RRN3: variants seen among roughly 807,000 people sequenced by gnomAD.
The protein encoded by RRN3 is RNA polymerase I transcription factor RRN3.
RRN3 carries 38 observed loss-of-function variants against 82.3 expected under a neutral mutation model. That is an observed-to-expected ratio of 0.46 (90% confidence interval 0.36 to 0.61). The LOEUF is 0.61. Ranked by LOEUF, RRN3 falls within the 20% of genes least tolerant of loss-of-function variation. The pLI is 0.00. For synonymous variants in RRN3, 284 were observed against 284.3 expected (o/e 1.00, Z 0.01); for missense variants, 726 against 793.1 (o/e 0.92, Z 1.02).
chr16:15,078,812 C>T (rs9939374), intron 9 of RRN3, among the ~76,000 whole-genome samples: 1,346 of 117,622 alleles, frequency 0.011, 24 homozygotes, highest in African/African-American at 0.035. Context: ...GTATTTTTTT[C>T]TTTTTTTTTT....
intron 3 of RRN3, among the ~76,000 whole-genome samples, chr16:15,087,197 A>C (rs1032941315): frequency 6.6e-6 from 1 of 152,200 alleles, no homozygotes; most frequent in Non-Finnish European, 1.5e-5. Context: ...CATATAAATA[A>C]AAGCAACACA....
At chr16:15,092,774 G>T (rs1200327058) in intron 1 of RRN3, among the ~76,000 whole-genome samples, 160 bp from the exon 2 acceptor site, 1 of 152,154 alleles carries the variant, frequency 6.6e-6, no homozygotes, top group Non-Finnish European at 1.5e-5. Context: ...CCTTTGCTCA[G>T]CAACCAATAA....
At chr16:15,093,465 C>A (rs575435913) in intron 1 of RRN3, among the ~76,000 whole-genome samples, 1 of 152,196 alleles carries the variant, frequency 6.6e-6, no homozygotes, top group Non-Finnish European at 1.5e-5. Flanking sequence ...GCCTTTCCCC[C>A]CTATGCTGTA....
chr16:15,088,565 G>A (rs535110414), intron 3 of RRN3, among the ~76,000 whole-genome samples: 2 of 152,162 alleles, frequency 1.3e-5, no homozygotes, highest in African/African-American at 4.8e-5. Flanking sequence ...ACAAAATACA[G>A]TGGAACACAA....
chr16:15,080,631 A>G (rs986696927), intron 8 of RRN3, among the ~76,000 whole-genome samples: 2 of 152,124 alleles, frequency 1.3e-5, no homozygotes, highest in African/African-American at 2.4e-5. Context: ...TTTTCTCACT[A>G]TGTTGCCCAG....
rs532080519 is a variant in RRN3 at position 15,085,722 on chromosome 16, G to A, written c.473-24C>T. On this transcript the variant is annotated intron_variant, in intron 5 of 17. Transcript: ENST00000198767. ...GGCTTTTGAGGGAAAAAGAAAATAT[G>A]TTATTCTGTCATTGATCTAGACAAT... The A allele has an allele frequency of 6.5e-5, 104 of 1,612,306 alleles. 2 individuals are homozygous for A. In the South Asian group the frequency reaches 1.0e-3, roughly 16 times the overall value.
At position 15,086,133 on chromosome 16, in the gene RRN3, C is replaced by T; in HGVS notation, c.468G>A (p.Val156=). 2 of 1,602,262 alleles carry T rather than the reference C, an allele frequency of 1.2e-6. No individual in the cohort carries two copies. Among genetic ancestry groups the T allele is most frequent in the South Asian group, 1.1e-5 (1 of 88,666 alleles). The change falls in exon 5 of 18, where the codon GTG becomes GTA. Residue 156 remains valine, a synonymous_variant. Coordinates refer to ENST00000198767, the MANE Select transcript of RRN3 (RefSeq NM_018427.5). ...AAATTCCAAGCAATGACTTACGAGG[C>T]ACAAAATGGGAAGCAATCATGCTGA... ...PCLSMIASHF[V]PPRVIIKEGD...
chr16:15,094,197 C>T lies in RRN3; in HGVS notation c.37G>A (p.Asp13Asn). ...ACTGCAGAGGACGAAGCGGCCGCAT[C>T]TCCCGGCAAACGCGTGTGAAGCAGC... is the stretch of plus-strand genomic sequence containing the variant. ...APLLHTRLPGDAAASSSAVKK... is the reference protein window; with the variant it reads ...APLLHTRLPGNAAASSSAVKK... Residue 13 changes from aspartate (D) to asparagine (N), a missense_variant, in exon 1 of 18, where the codon GAT (aspartate) becomes AAT (asparagine). By Grantham distance (23) the Asp-to-Asn change is conservative. Around this residue, in one of 4 missense-constraint regions of RRN3, gnomAD observed 135 missense variants for 87.4 expected, o/e 1.55. Coordinates refer to ENST00000198767, the MANE Select transcript of RRN3 (RefSeq NM_018427.5). The T allele has an allele frequency of 6.2e-7, 1 of 1,600,380 alleles. No individual in the cohort carries two copies. The highest frequency in any genetic ancestry group is 8.5e-7 in the Non-Finnish European group (1 of 1,174,070).
In RRN3 at chr16:15,063,228, C is replaced by G; in HGVS notation, c.1762G>C (p.Glu588Gln). The G allele has an allele frequency of 1.2e-6, 2 of 1,613,374 alleles. No individual in the cohort carries two copies. The highest frequency in any genetic ancestry group is 1.7e-6 in the Non-Finnish European group (2 of 1,179,326). The change falls in exon 17 of 18, where the codon GAG becomes CAG. Residue 588 changes from glutamate (E) to glutamine (Q), a missense_variant. Physicochemically the swap from Glu to Gln is conservative, Grantham distance 29. Transcript: ENST00000198767. ...ATGGGTTTCTTGAACTCCTGTAGCT[C>G]TTCAGCACTCATGTCTTCCCACACC... ...YQVWEDMSAEELQEFKKPMKK... is the reference protein window; with the variant it reads ...YQVWEDMSAEQLQEFKKPMKK...
rs371499562 is a variant in RRN3, at chr16:15,061,810, A to G, written c.1890T>C (p.His630=). The change falls in exon 18 of 18, where the codon CAT becomes CAC. Residue 630 remains histidine, a synonymous_variant. Coordinates refer to ENST00000198767, the MANE Select transcript of RRN3 (RefSeq NM_018427.5). Reference sequence around the variant, plus strand: ...CCACACTACTTGAAGGACTTCGGAAATGCGTGTCAAAGGAGCTTGGTGTGA... The same window carrying G: ...CCACACTACTTGAAGGACTTCGGAAGTGCGTGTCAAAGGAGCTTGGTGTGA... The part of the protein sequence containing the change: ...IGITPSSFDT[H]FRSPSSSVGS... 8.2e-5 allele frequency: 132 copies of G among 1,614,076 alleles called. No homozygotes were observed. Among genetic ancestry groups the G allele is most frequent in the Non-Finnish European group, 1.1e-4 (124 of 1,179,998 alleles).
intron 7 of RRN3, among the ~76,000 whole-genome samples, chr16:15,084,233 A>G (rs2045825256): frequency 1.3e-5 from 2 of 152,320 alleles, no homozygotes; most frequent in African/African-American, 4.8e-5. Context: ...TTAACAAATA[A>G]TCAACGGACA....
chr16:15,071,681 T>C (rs904538252), intron 12 of RRN3, among the ~76,000 whole-genome samples: 18 of 152,236 alleles, frequency 1.2e-4, no homozygotes, highest in African/African-American at 4.3e-4. Context: ...GGCAGGAGAA[T>C]CGCTTGAACC....
intron 9 of RRN3, among the ~76,000 whole-genome samples, chr16:15,079,089 C>G (rs922183460): frequency 6.6e-6 from 1 of 152,214 alleles, no homozygotes; most frequent in South Asian, 2.1e-4. Context: ...GGATTACATG[C>G]GTGAGCCACC....
At chr16:15,073,466 A>C (rs1181880485) in intron 11 of RRN3, among the ~76,000 whole-genome samples, 1 of 152,222 alleles carries the variant, frequency 6.6e-6, no homozygotes, top group East Asian at 1.9e-4. Context: ...TTAAAAAAAA[A>C]AGAAAGACAG....
At chr16:15,079,712 C>A (rs372670956) in intron 9 of RRN3, among the ~76,000 whole-genome samples, 12 of 152,136 alleles carry the variant, frequency 7.9e-5, no homozygotes, top group Non-Finnish European at 1.6e-4. Flanking sequence ...CCCACCTCAG[C>A]CTCCTGAGTA....
chr16:15,080,923 GTC>G (rs2045673552), intron 8 of RRN3, among the ~76,000 whole-genome samples: 1 of 151,762 alleles, frequency 6.6e-6, no homozygotes. Flanking sequence ...TATCAATGGA[GTC>G]ATACACAGTT....
intron 16 of RRN3, 152 bp downstream of exon 16, chr16:15,065,067 G>C: frequency 1.4e-6 from 1 of 692,936 alleles, no homozygotes; most frequent in Non-Finnish European, 2.4e-6. Flanking sequence ...TCGGGAGGCT[G>C]AGTCAGGAGA....
chr16:15,064,319 G>A (rs184136275), intron 16 of RRN3, among the ~76,000 whole-genome samples: 5 of 152,200 alleles, frequency 3.3e-5, no homozygotes, highest in Non-Finnish European at 7.4e-5. Context: ...GGAATTACAG[G>A]CGCCACCACC....
intron 7 of RRN3, among the ~76,000 whole-genome samples, chr16:15,084,242 CAG>C (rs2045825903): frequency 6.6e-6 from 1 of 152,076 alleles, no homozygotes; most frequent in Non-Finnish European, 1.5e-5. Context: ...AATCAACGGA[CAG>C]AGGGAACTAG....
Sources: gnomAD v4.1 joint callset for allele counts (sites outside exome capture counted in the v4.1 genomes callset) on GRCh38, gnomAD v4.1.1 for gene constraint, gnomAD v4.1.1 regional missense constraint, MANE v1.5 for transcripts, NCBI Gene and HGNC (gene_info 2026-07-23, HGNC 2026-07-21) for gene names.